Variants in SLC35D4 observed in about 807,000 individuals in gnomAD.
The protein encoded by SLC35D4 is UDP-N-acetylglucosamine transporter SLC35D4.
chr18:23,292,307 A>T, the SLC35D4 span, among the ~76,000 whole-genome samples: 1 of 152,110 alleles, frequency 6.6e-6, no homozygotes, highest in Non-Finnish European at 1.5e-5. Flanking sequence ...GAGAACCAAC[A>T]AACAGTGGCT....
the SLC35D4 span, among the ~76,000 whole-genome samples, chr18:23,293,269 A>G: frequency 6.6e-6 from 1 of 152,198 alleles, no homozygotes. Flanking sequence ...GAATGAATGA[A>G]TATAAATCAG....
chr18:23,346,489 T>C, the SLC35D4 span, among the ~76,000 whole-genome samples: 2 of 152,082 alleles, frequency 1.3e-5, no homozygotes, highest in Non-Finnish European at 2.9e-5. Context: ...ATAAAGACAA[T>C]TTTATTTCTT....
the SLC35D4 span, among the ~76,000 whole-genome samples, chr18:23,390,526 G>A: frequency 8.2e-4 from 125 of 152,244 alleles, no homozygotes; most frequent in African/African-American, 2.7e-3. Context: ...TCCATGCACC[G>A]TTGAAATTTT....
chr18:23,436,535 G>C, the SLC35D4 span, among the ~76,000 whole-genome samples: 6 of 152,148 alleles, frequency 3.9e-5, no homozygotes, highest in Admixed American at 3.9e-4. Flanking sequence ...GCTCACACCT[G>C]TAATCTCAGC....
chr18:23,300,077 G>A, the SLC35D4 span, among the ~76,000 whole-genome samples: 4 of 152,136 alleles, frequency 2.6e-5, no homozygotes, highest in Non-Finnish European at 5.9e-5. Flanking sequence ...ATTTGGGAAC[G>A]AGGCCGCTTT....
the SLC35D4 span, among the ~76,000 whole-genome samples, chr18:23,308,260 CAT>C: frequency 6.6e-6 from 1 of 152,132 alleles, no homozygotes; most frequent in East Asian, 1.9e-4. Context: ...TGAGGAGACA[CAT>C]GTGTGCCATG....
At chr18:23,385,975 C>CA in the SLC35D4 span, among the ~76,000 whole-genome samples, 1 of 150,918 alleles carries the variant, frequency 6.6e-6, no homozygotes, top group East Asian at 1.9e-4. Context: ...ACTAAAAATA[C>CA]AAAAAAAATT....
chr18:23,326,987 G>T, the SLC35D4 span, among the ~76,000 whole-genome samples: 26 of 152,104 alleles, frequency 1.7e-4, no homozygotes, highest in African/African-American at 5.3e-4. Context: ...ATAAAGATGT[G>T]CTTTGAAACC....
the SLC35D4 span, among the ~76,000 whole-genome samples, chr18:23,435,721 G>A: frequency 6.6e-6 from 1 of 152,264 alleles, no homozygotes; most frequent in South Asian, 2.1e-4. Context: ...TTCAGACGAA[G>A]TCTGGCTCTA....
At chr18:23,373,816 T>C in the SLC35D4 span, 1 of 1,589,190 alleles carries the variant, frequency 6.3e-7, no homozygotes, top group Non-Finnish European at 8.6e-7. Flanking sequence ...ATCAAAGGTT[T>C]CCCTAAGAGC....
the SLC35D4 span, among the ~76,000 whole-genome samples, chr18:23,315,435 A>G: frequency 6.6e-6 from 1 of 152,202 alleles, no homozygotes; most frequent in Admixed American, 6.5e-5. Flanking sequence ...GCCATCGCAC[A>G]TGCCAAACCC....
At chr18:23,394,130 C>A in the SLC35D4 span, among the ~76,000 whole-genome samples, 9 of 152,148 alleles carry the variant, frequency 5.9e-5, no homozygotes, top group African/African-American at 2.4e-5. Flanking sequence ...GAAGAAGCAC[C>A]ATACTGTTTT....
At chr18:23,239,210 C>CAT in the SLC35D4 span, among the ~76,000 whole-genome samples, 1 of 152,214 alleles carries the variant, frequency 6.6e-6, no homozygotes, top group African/African-American at 2.4e-5. Context: ...CTTGCCAAGT[C>CAT]AGCATGTATG....
At chr18:23,324,891 G>C in the SLC35D4 span, among the ~76,000 whole-genome samples, 1 of 152,170 alleles carries the variant, frequency 6.6e-6, no homozygotes, top group Non-Finnish European at 1.5e-5. Flanking sequence ...AAAAATCATA[G>C]TTTAAAATCC....
chr18:23,247,443 C>T, the SLC35D4 span, among the ~76,000 whole-genome samples: 1 of 152,200 alleles, frequency 6.6e-6, no homozygotes, highest in African/African-American at 2.4e-5. Flanking sequence ...ATGTGCTGGG[C>T]CCCTTCCAAG....
At chr18:23,404,718 C>T in the SLC35D4 span, among the ~76,000 whole-genome samples, 1 of 146,234 alleles carries the variant, frequency 6.8e-6, no homozygotes, top group East Asian at 2.1e-4. Context: ...GTGGCTCACA[C>T]TGGTAATCCC....
the SLC35D4 span, among the ~76,000 whole-genome samples, chr18:23,363,022 C>A: frequency 1.7e-4 from 26 of 152,166 alleles, no homozygotes; most frequent in African/African-American, 6.3e-4. Flanking sequence ...GGGCAGAACA[C>A]TTGAGGTCAG....
the SLC35D4 span, among the ~76,000 whole-genome samples, chr18:23,386,497 C>T: frequency 1.3e-5 from 2 of 152,094 alleles, no homozygotes; most frequent in Admixed American, 6.5e-5. Flanking sequence ...ACCTTGATTT[C>T]AAACTTCTGG....
the SLC35D4 span, among the ~76,000 whole-genome samples, chr18:23,394,983 CAA>C: frequency 6.8e-4 from 37 of 54,452 alleles, no homozygotes; most frequent in African/African-American, 2.7e-3. Context: ...AACTCCATCT[CAA>C]AAAAAAAAAA....
Sources: allele counts gnomAD v4.1 joint callset (sites outside exome capture counted in the v4.1 genomes callset), GRCh38; gene constraint gnomAD v4.1.1; transcripts MANE v1.5; gene names NCBI Gene and HGNC (gene_info 2026-07-23, HGNC 2026-07-21).